DNAH9: variants seen among roughly 807,000 people sequenced by gnomAD.
The protein encoded by DNAH9 is DNAH9 variant protein.
A neutral mutation model predicts 471.6 loss-of-function variants in DNAH9; 345 were observed. The observed-to-expected ratio is 0.73, with a 90% CI of 0.67 to 0.80. The LOEUF (loss-of-function observed/expected upper bound fraction) is 0.80. DNAH9 is among the 30% of genes least tolerant of loss of function. The pLI is 0.00. For missense variants in DNAH9, 5,407 were observed against 5,609.2 expected (o/e 0.96, Z 1.15); for synonymous variants, 2,093 against 2,123.6 (o/e 0.99, Z 0.40).
intron 28 of DNAH9, among the ~76,000 whole-genome samples, chr17:11,733,466 A>G (rs1389179688): frequency 1.3e-5 from 2 of 152,198 alleles, no homozygotes; most frequent in African/African-American, 4.8e-5. Context: ...TCCTCATGCA[A>G]GAAATGCAGC....
At chr17:11,729,717 G>A (rs1171663300) in intron 28 of DNAH9, among the ~76,000 whole-genome samples, 2 of 152,194 alleles carry the variant, frequency 1.3e-5, no homozygotes, top group Non-Finnish European at 2.9e-5. Context: ...GGCGGGGAAA[G>A]ATGACTGAGC....
chr17:11,857,232 C>T (rs542108439), intron 50 of DNAH9, among the ~76,000 whole-genome samples: 3 of 152,250 alleles, frequency 2.0e-5, no homozygotes, highest in South Asian at 4.1e-4. Context: ...ACTCAACCTG[C>T]GAAAGCAATA....
chr17:11,669,055 GT>G lies in DNAH9; in HGVS notation c.2732-4del, dbSNP rs1225502610. ...TTTGTTTTGTTTGCTTGTTTTCTGTGTTTTTCAGAGTGTAAGGCAGGACTTA... is the reference window on the plus strand; with the variant it reads ...TTTGTTTTGTTTGCTTGTTTTCTGTGTTTTCAGAGTGTAAGGCAGGACTTA... On this transcript the variant is annotated splice_region_variant and splice_polypyrimidine_tract_variant and intron_variant, in intron 15 of 68. Coordinates refer to ENST00000262442, the MANE Select transcript of DNAH9 (RefSeq NM_001372.4). 1 of 1,591,366 alleles carries G rather than the reference GT, an allele frequency of 6.3e-7. No homozygotes were observed. Among genetic ancestry groups the G allele is most frequent in the African/African-American group, 1.4e-5 (1 of 73,842 alleles).
At chr17:11,805,727 T>A (rs1156900267) in intron 43 of DNAH9, among the ~76,000 whole-genome samples, 3 of 151,834 alleles carry the variant, frequency 2.0e-5, no homozygotes, top group African/African-American at 7.3e-5. Flanking sequence ...CTAATTTTTG[T>A]GTTTTTGTGG....
intron 26 of DNAH9, among the ~76,000 whole-genome samples, chr17:11,717,866 G>A (rs2074992271): frequency 6.6e-6 from 1 of 152,110 alleles, no homozygotes; most frequent in Non-Finnish European, 1.5e-5. Flanking sequence ...CATATCAATG[G>A]AATGACAACA....
At chr17:11,627,741 A>G (rs974275644) in intron 6 of DNAH9, among the ~76,000 whole-genome samples, 1 of 151,944 alleles carries the variant, frequency 6.6e-6, no homozygotes, top group African/African-American at 2.4e-5. Context: ...CTCCCACTTC[A>G]GCTGCTTCCC....
chr17:11,841,599 TGAG>T (rs971103272), intron 49 of DNAH9, among the ~76,000 whole-genome samples: 1 of 152,204 alleles, frequency 6.6e-6, no homozygotes, highest in Admixed American at 6.5e-5. Context: ...AGGATGATTT[TGAG>T]TTCTGTCCTT....
intron 36 of DNAH9, among the ~76,000 whole-genome samples, chr17:11,764,706 T>A (rs1378697714): frequency 1.3e-5 from 2 of 149,836 alleles, no homozygotes; most frequent in Non-Finnish European, 3.0e-5. Flanking sequence ...ATTTCCTTTT[T>A]CTTAAAAAAA....
chr17:11,812,007 AAAAAAAAAAAAAAAAAAAAAT>A (rs1190339333), intron 45 of DNAH9, among the ~76,000 whole-genome samples: 20 of 53,592 alleles, frequency 3.7e-4, no homozygotes, highest in African/African-American at 1.3e-3. Flanking sequence ...AAAAAAAAAA[AAAAAAAAAAAAAAAAAAAAAT>A]ATATATATAT....
At position 11,872,675 on chromosome 17, in the gene DNAH9, CTT is replaced by C. The variant is rs200372921; in HGVS notation, c.10242+891_10242+892del. On this transcript the variant is annotated intron_variant, in intron 52 of 68. Coordinates refer to ENST00000262442, the MANE Select transcript of DNAH9 (RefSeq NM_001372.4). ...GTGGCTCACGCCTGTAATCCCAGCACTTTGGGAGGTTGAGGCGGGCGGATCAC... is the reference window on the plus strand; with the variant it reads ...GTGGCTCACGCCTGTAATCCCAGCACTGGGAGGTTGAGGCGGGCGGATCAC... 7.2e-3 allele frequency among the ~76,000 whole-genome samples: 1,099 copies of C among 152,178 alleles called. 15 individuals carry two copies. The highest frequency in any genetic ancestry group is 0.025 in the African/African-American group (1,053 of 41,530).
chr17:11,842,205 T>A (rs1197788941), intron 49 of DNAH9, among the ~76,000 whole-genome samples: 1 of 152,292 alleles, frequency 6.6e-6, no homozygotes, highest in African/African-American at 2.4e-5. Flanking sequence ...AAATAAAACC[T>A]CAGATTGATC....
chr17:11,915,439 G>A (rs183125367), intron 61 of DNAH9, among the ~76,000 whole-genome samples: 3 of 152,048 alleles, frequency 2.0e-5, no homozygotes, highest in Admixed American at 6.5e-5. Context: ...CAGGAGACTC[G>A]CTTGAACCTG....
chr17:11,607,619 G>A (rs190168771), intron 1 of DNAH9, among the ~76,000 whole-genome samples: 21 of 152,178 alleles, frequency 1.4e-4, no homozygotes, highest in Admixed American at 5.9e-4. Flanking sequence ...GCCCAGGCTG[G>A]AGTGCAGTGG....
intron 11 of DNAH9, among the ~76,000 whole-genome samples, chr17:11,646,685 G>A (rs749003859): frequency 1.1e-4 from 16 of 152,100 alleles, no homozygotes; most frequent in Non-Finnish European, 2.1e-4. Flanking sequence ...AGGCCAAGGC[G>A]GGCAGATCAC....
chr17:11,614,228 TAG>T (rs2072695648), intron 4 of DNAH9, among the ~76,000 whole-genome samples: 1 of 152,146 alleles, frequency 6.6e-6, no homozygotes, highest in Non-Finnish European at 1.5e-5. Context: ...TTATCCTAAA[TAG>T]ATACACTATG....
chr17:11,704,659 C>T (rs2074667965), intron 25 of DNAH9, among the ~76,000 whole-genome samples: 1 of 151,658 alleles, frequency 6.6e-6, no homozygotes, highest in Non-Finnish European at 1.5e-5. Flanking sequence ...TCTCGGCTCA[C>T]CGCAACCTCC....
intron 49 of DNAH9, among the ~76,000 whole-genome samples, chr17:11,837,900 T>G (rs192134946): frequency 1.3e-5 from 2 of 152,218 alleles, no homozygotes; most frequent in South Asian, 4.1e-4. Flanking sequence ...AGTGCTTGCC[T>G]CTGCATAGAA....
intron 43 of DNAH9, among the ~76,000 whole-genome samples, chr17:11,800,574 C>T (rs771621745): frequency 5.9e-5 from 9 of 152,154 alleles, no homozygotes; most frequent in Non-Finnish European, 1.0e-4. Flanking sequence ...TCATCCAAAA[C>T]GTTGCCCATC....
intron 59 of DNAH9, among the ~76,000 whole-genome samples, chr17:11,895,467 CCTT>C (rs1567882844): frequency 6.6e-6 from 1 of 152,140 alleles, no homozygotes; most frequent in Non-Finnish European, 1.5e-5. Flanking sequence ...CTTTCTTTCT[CCTT>C]ATTTTTTTAT....
Sources: allele counts gnomAD v4.1 joint callset (sites outside exome capture counted in the v4.1 genomes callset), GRCh38; gene constraint gnomAD v4.1.1; transcripts MANE v1.5; gene names NCBI Gene and HGNC (gene_info 2026-07-23, HGNC 2026-07-21).